The following MCM5 variants were observed in gnomAD, a reference collection of about 807,000 sequenced individuals.
MCM5 encodes the protein DNA replication licensing factor MCM5.
MCM5 carries 46 observed loss-of-function variants against 79.9 expected under a neutral mutation model. That is an observed-to-expected ratio of 0.58 (90% confidence interval 0.45 to 0.74). The LOEUF (loss-of-function observed/expected upper bound fraction) is 0.74. Ranked by LOEUF, MCM5 falls within the 30% of genes least tolerant of loss-of-function variation. The pLI is 0.00. For synonymous variants in MCM5, 404 were observed against 390.5 expected (o/e 1.03, Z -0.41); for missense variants, 883 against 1,017.0 (o/e 0.87, Z 1.79).
the MCM5 span, among the ~76,000 whole-genome samples, chr22:35,439,263 C>T: frequency 0.41 from 62,124 of 151,444 alleles, 14,371 homozygotes; most frequent in Non-Finnish European, 0.52. Flanking sequence ...ACATATTTAT[C>T]CATCCAATCA....
In MCM5 at chr22:35,410,768, T is replaced by C; in HGVS notation, c.777T>C (p.Pro259=). 1 of 1,614,150 alleles carries C rather than the reference T, an allele frequency of 6.2e-7. No individual in the cohort carries two copies. The highest frequency in any genetic ancestry group is 8.5e-7 in the Non-Finnish European group (1 of 1,180,004). The change falls in exon 7 of 17, where the codon CCT becomes CCC. Residue 259 remains proline (P), a synonymous_variant. Transcript: ENST00000216122. ...GGTACCTGTGTGACAAGGTCGTCCC[T>C]GGGAACAGGGTTACCATCATGGGCA... ...CDRYLCDKVV[P]GNRVTIMGIY... is the part of the protein sequence containing the mutation.
At chr22:35,433,007 C>A in the MCM5 span, among the ~76,000 whole-genome samples, 2 of 151,996 alleles carry the variant, frequency 1.3e-5, no homozygotes. Flanking sequence ...CAGTCATGGC[C>A]CATTGCACCC....
chr22:35,447,421 G>C, the MCM5 span, among the ~76,000 whole-genome samples: 1 of 151,462 alleles, frequency 6.6e-6, no homozygotes, highest in African/African-American at 2.4e-5. Context: ...AGAAGGGTGT[G>C]GGGCTTATGG....
chr22:35,434,764 T>C, the MCM5 span, among the ~76,000 whole-genome samples: 1 of 152,224 alleles, frequency 6.6e-6, no homozygotes, highest in African/African-American at 2.4e-5. Flanking sequence ...TGGGTGATCA[T>C]GCCTGTTCAC....
At position 35,410,882 on chromosome 22, in the gene MCM5, G is replaced by T. The variant is rs1319498263; in HGVS notation, c.891G>T (p.Leu297=). The change falls in exon 7 of 17, where the codon CTG becomes CTT. Residue 297 remains leucine (L), a synonymous_variant. Transcript: ENST00000216122. ...TCCGAAGCTCCTACATCCGTGTCCT[G>T]GGCATCCAGGTGGACACAGATGGCT... ...VGIRSSYIRV[L]GIQVDTDGSG... 2 of 1,609,226 alleles carry T rather than the reference G, an allele frequency of 1.2e-6. No individual in the cohort carries two copies. Among genetic ancestry groups the T allele is most frequent in the African/African-American group, 2.7e-5 (2 of 74,846 alleles).
intron 10 of MCM5, 66 bp downstream of exon 10, chr22:35,416,038 T>C (rs958408725): frequency 1.3e-6 from 2 of 1,569,410 alleles, no homozygotes; most frequent in African/African-American, 1.4e-5. Flanking sequence ...CTTCCTGTGC[T>C]CAGCCAGCAG....
intron 4 of MCM5, among the ~76,000 whole-genome samples, chr22:35,404,181 A>G (rs1932147625): frequency 6.6e-6 from 1 of 152,206 alleles, no homozygotes; most frequent in African/African-American, 2.4e-5. Context: ...ACATAGTCTC[A>G]TTAGCACCTC....
At chr22:35,438,906 TCCA>T in the MCM5 span, among the ~76,000 whole-genome samples, 1 of 141,318 alleles carries the variant, frequency 7.1e-6, no homozygotes, top group African/African-American at 2.7e-5. Flanking sequence ...TATCCATCCA[TCCA>T]CTCACATATT....
In MCM5 at chr22:35,412,636, TGAA is replaced by T. The variant is rs1490955702; in HGVS notation, c.1051_1053del (p.Lys351del). The T allele has an allele frequency of 6.4e-7, 1 of 1,552,646 alleles. No individual in the cohort carries two copies. The highest frequency in any genetic ancestry group is 8.7e-7 in the Non-Finnish European group (1 of 1,143,946). Reference sequence around the variant, plus strand: ...CCCTCCATCTTTGGGGGCACAGACATGAAGAAGGCCATTGCCTGCCTGCTCTTT... The same window carrying T: ...CCCTCCATCTTTGGGGGCACAGACATGAAGGCCATTGCCTGCCTGCTCTTT... On this transcript the variant is annotated inframe_deletion, in exon 8 of 17. Transcript: ENST00000216122.
At chr22:35,400,639 C>G in intron 2 of MCM5, 34 bp downstream of exon 2, 2 of 1,550,298 alleles carry the variant, frequency 1.3e-6, no homozygotes, top group Non-Finnish European at 1.7e-6. Flanking sequence ...GCTCGAGTTC[C>G]AGTGTGGCCG....
At chr22:35,417,050 C>T (rs1241269404) in intron 12 of MCM5, among the ~76,000 whole-genome samples, 1 of 152,142 alleles carries the variant, frequency 6.6e-6, no homozygotes, top group African/African-American at 2.4e-5. Context: ...GTGATTTGGG[C>T]TAAATCAGTT....
At chr22:35,442,357 GAAA>G in the MCM5 span, among the ~76,000 whole-genome samples, 1 of 130,642 alleles carries the variant, frequency 7.7e-6, no homozygotes, top group Non-Finnish European at 1.7e-5. Context: ...TACTAAAAAA[GAAA>G]AAAAAAAAAA....
chr22:35,421,222 T>A, intron 14 of MCM5, 96 bp from the exon 15 acceptor site: 1 of 1,361,654 alleles, frequency 7.3e-7, no homozygotes, highest in Non-Finnish European at 1.0e-6. Context: ...ACCACAGTCT[T>A]ACCACTTTGG....
At chr22:35,438,463 C>T in the MCM5 span, among the ~76,000 whole-genome samples, 2 of 141,498 alleles carry the variant, frequency 1.4e-5, no homozygotes, top group East Asian at 4.1e-4. Flanking sequence ...ACATATTCAT[C>T]CATCCATCCA....
chr22:35,414,492 AC>A (rs1932482455), intron 9 of MCM5, among the ~76,000 whole-genome samples: 1 of 151,858 alleles, frequency 6.6e-6, no homozygotes, highest in South Asian at 2.1e-4. Flanking sequence ...CGTGATATGC[AC>A]CTGTGGTCCC....
At chr22:35,417,919 C>A in intron 13 of MCM5, 63 bp downstream of exon 13, 1 of 1,138,488 alleles carries the variant, frequency 8.8e-7, no homozygotes, top group Non-Finnish European at 1.3e-6. Flanking sequence ...GGGAGAGAAC[C>A]CAGTCCCCTG....
chr22:35,438,590 T>TG, the MCM5 span, among the ~76,000 whole-genome samples: 5,038 of 121,724 alleles, frequency 0.041, 64 homozygotes, highest in African/African-American at 0.092. Flanking sequence ...CATCCATCCA[T>TG]CCATGCATCC....
At chr22:35,407,552 T>G (rs1932254260) in intron 5 of MCM5, among the ~76,000 whole-genome samples, 1 of 151,426 alleles carries the variant, frequency 6.6e-6, no homozygotes, top group Non-Finnish European at 1.5e-5. Flanking sequence ...CCTTCCTGTT[T>G]CTGGAATACA....
chr22:35,440,153 C>T, the MCM5 span, among the ~76,000 whole-genome samples: 1 of 152,202 alleles, frequency 6.6e-6, no homozygotes, highest in Non-Finnish European at 1.5e-5. Context: ...AACATCATCT[C>T]ATGATACTTA....
Sources: gnomAD v4.1 joint callset for allele counts (sites outside exome capture counted in the v4.1 genomes callset) on GRCh38, gnomAD v4.1.1 for gene constraint, MANE v1.5 for transcripts, NCBI Gene and HGNC (gene_info 2026-07-23, HGNC 2026-07-21) for gene names.